Variants in NIN observed in about 807,000 individuals in gnomAD.
NIN encodes the protein glycogen synthase kinase 3 beta-interacting protein.
NIN carries 137 observed loss-of-function variants against 257.6 expected under a neutral mutation model. That is an observed-to-expected ratio of 0.53 (90% CI 0.46 to 0.61). The LOEUF (loss-of-function observed/expected upper bound fraction) is 0.61. Among genes scored for constraint, NIN ranks in the 20% least tolerant of loss-of-function variants. The pLI is 0.00. For missense variants in NIN, 2,439 were observed against 2,501.2 expected, an observed-to-expected ratio of 0.98 and a Z score of 0.53; for synonymous variants, 918 against 919.8, an observed-to-expected ratio of 1.00 and a Z score of 0.04.
At chr14:50,746,076 ATCC>A (rs2041523877) in intron 22 of NIN, among the ~76,000 whole-genome samples, 2 of 150,958 alleles carry the variant, frequency 1.3e-5, no homozygotes, top group South Asian at 4.2e-4. Context: ...GCTGAATGAC[ATCC>A]CCATCATGTT....
chr14:50,767,775 C>T (rs181534037), intron 12 of NIN, among the ~76,000 whole-genome samples: 3 of 150,460 alleles, frequency 2.0e-5, no homozygotes, highest in South Asian at 2.1e-4. Context: ...CGAGATGGCG[C>T]CACTGCACTC....
chr14:50,762,364 G>A (rs1211942046), intron 15 of NIN, among the ~76,000 whole-genome samples: 1 of 152,138 alleles, frequency 6.6e-6, no homozygotes, highest in Non-Finnish European at 1.5e-5. Flanking sequence ...GATGCCCTGA[G>A]GAGTTAGCTT....
chr14:50,783,222 TA>T (rs2043206615), intron 5 of NIN, among the ~76,000 whole-genome samples: 1 of 9,774 alleles, frequency 1.0e-4, no homozygotes, highest in Non-Finnish European at 2.4e-4. Flanking sequence ...CTCATTTTTG[TA>T]TTTTTTTTTT....
Position 50,723,226 on chromosome 14 carries a change from G to A in NIN, c.*237C>T, listed in dbSNP as rs902499324. 7.8e-6 allele frequency: 3 copies of A among 384,552 alleles called. No homozygotes were observed. The highest frequency in any genetic ancestry group is 1.4e-5 in the Non-Finnish European group (3 of 217,152). The allele number at this position is 384,552 out of a possible 1,614,324, so 23.8% of individuals were successfully genotyped here. A position where few individuals can be genotyped will look rare whatever the true frequency, so the allele number is the denominator to read the frequency against. ...ATTTTCATATGTCCACATTCTTGGT[G>A]GCTATTAAAATTTTAAAATAAATTC... On this transcript the variant is annotated 3_prime_UTR_variant, in exon 31 of 31. Transcript: ENST00000530997.
intron 22 of NIN, among the ~76,000 whole-genome samples, chr14:50,744,630 A>G (rs1011448033): frequency 1.3e-5 from 2 of 152,162 alleles, no homozygotes; most frequent in Non-Finnish European, 2.9e-5. Context: ...CTCTCCTTTT[A>G]AAAAACCAGT....
At chr14:50,735,435 A>G (rs1276938897) in intron 28 of NIN, 81 bp downstream of exon 28, 4 of 1,508,286 alleles carry the variant, frequency 2.7e-6, no homozygotes, top group Non-Finnish European at 3.5e-6. Context: ...ATTCAATGCC[A>G]TGTCTAGTCT....
intron 4 of NIN, among the ~76,000 whole-genome samples, chr14:50,804,897 C>G (rs373060222): frequency 4.5e-4 from 68 of 152,332 alleles, no homozygotes; most frequent in African/African-American, 1.5e-3. Flanking sequence ...AGGCCACATG[C>G]AGCCCATGGG....
At position 50,744,351 on chromosome 14, in the gene NIN, G is replaced by A. The variant is rs546671094; in HGVS notation, c.5079C>T (p.Pro1693=). 13 of 1,613,868 alleles carry A rather than the reference G, an allele frequency of 8.1e-6. No homozygotes were observed. The highest frequency in any genetic ancestry group is 2.2e-5 in the East Asian group (1 of 44,874). ...LEKMKQLHRC[P]DLSDFQQKIS... is the part of the protein sequence containing the mutation. Reference sequence around the variant, plus strand: ...TTTTTTGCTGGAAGTCAGAGAGATCGGGACATCTGTGCAGCTGTAAGAGAT... The same window carrying A: ...TTTTTTGCTGGAAGTCAGAGAGATCAGGACATCTGTGCAGCTGTAAGAGAT... Residue 1693 remains proline (P), a synonymous_variant, in exon 23 of 31, where the codon CCC becomes CCT. Coordinates refer to ENST00000530997, the MANE Select transcript of NIN (RefSeq NM_020921.4).
At chr14:50,792,438 A>T (rs2043637747) in intron 5 of NIN, 1 of 393,206 alleles carries the variant, frequency 2.5e-6, no homozygotes, top group Non-Finnish European at 4.6e-6. Context: ...GAAGTGGGAG[A>T]CCTCAGATGA....
intron 8 of NIN, 128 bp from the exon 9 acceptor site, chr14:50,772,596 T>G: frequency 1.3e-6 from 1 of 794,732 alleles, no homozygotes; most frequent in Non-Finnish European, 2.0e-6. Flanking sequence ...AAAAAAGTCA[T>G]GCAGCCTCTC....
At chr14:50,797,732 C>A (rs934645056) in intron 4 of NIN, among the ~76,000 whole-genome samples, 3 of 152,008 alleles carry the variant, frequency 2.0e-5, no homozygotes, top group Non-Finnish European at 4.4e-5. Context: ...AAGAAAAATA[C>A]AGACAGAGAC....
chr14:50,811,297 C>T (rs992006268), intron 3 of NIN, among the ~76,000 whole-genome samples: 32 of 151,588 alleles, frequency 2.1e-4, no homozygotes, highest in Admixed American at 1.6e-3. Flanking sequence ...TTAGTAGAGA[C>T]GGGGTTTCAC....
chr14:50,757,380 G>A lies in NIN; in HGVS notation c.3650C>T (p.Ala1217Val). The A allele has an allele frequency of 6.2e-7, 1 of 1,613,934 alleles. No homozygotes were observed. Among genetic ancestry groups the A allele is most frequent in the Non-Finnish European group, 8.5e-7 (1 of 1,179,984 alleles). Residue 1217 changes from alanine to valine, a missense_variant, in exon 18 of 31, where the codon GCT becomes GTT. This residue lies in a region of NIN where 2,043 missense variants were observed against 2,050.2 expected (regional missense o/e 1.00). Coordinates refer to ENST00000530997, the MANE Select transcript of NIN (RefSeq NM_020921.4). Reference sequence around the variant, plus strand: ...AAGTAGGTCCTGTTTCTTTTCAGAAGCTCGATCACAGTCCGCACATAACAT... The same window carrying A: ...AAGTAGGTCCTGTTTCTTTTCAGAAACTCGATCACAGTCCGCACATAACAT... Reference protein sequence around the residue: ...LMMLCADCDRASEKKQDLLFD... With the variant: ...LMMLCADCDRVSEKKQDLLFD...
At chr14:50,727,659 T>C in intron 29 of NIN, 1 of 1,442,860 alleles carries the variant, frequency 6.9e-7, no homozygotes, top group Admixed American at 1.8e-5. Flanking sequence ...TCTGCCATGG[T>C]AAGAAATGCC....
chr14:50,766,654 T>G (rs1461853207), intron 13 of NIN, 126 bp downstream of exon 13: 5 of 689,984 alleles, frequency 7.2e-6, no homozygotes, highest in South Asian at 5.4e-5. Flanking sequence ...CTACAAAAGT[T>G]AGAGCACCAT....
Position 50,763,866 on chromosome 14 carries a change from T to C in NIN, c.1734A>G (p.Glu578=), listed in dbSNP as rs748064021. Residue 578 remains glutamate, a synonymous_variant, in exon 15 of 31, where the codon GAA becomes GAG. Coordinates refer to ENST00000530997, the MANE Select transcript of NIN (RefSeq NM_020921.4). ...TGCCACCGCTGTTAGCCTCAACTTC[T>C]TCTGACGGTGAGTTCTTCAACGGAA... The part of the protein sequence containing the change: ...LRLPLKNSPS[E]EVEANSGGIE... The C allele has an allele frequency of 3.7e-6, 6 of 1,613,968 alleles. No individual in the cohort carries two copies. Among genetic ancestry groups the C allele is most frequent in the Non-Finnish European group, 4.2e-6 (5 of 1,179,822 alleles).
chr14:50,722,569 C>T lies in NIN; in HGVS notation c.*894G>A. ...AGTTTACAGTATTGTTCCCTGAGTT[C>T]TTGAGGCAACCTCAAGTAAATTTAT... On this transcript the variant is annotated 3_prime_UTR_variant, in exon 31 of 31. Transcript: ENST00000530997. The T allele has an allele frequency of 4.7e-6, 1 of 211,126 alleles. No individual in the cohort carries two copies. Among genetic ancestry groups the T allele is most frequent in the African/African-American group, 2.3e-5 (1 of 44,228 alleles). 13.1% of individuals were successfully genotyped at this position (211,126 alleles called of 1,614,324 possible).
intron 3 of NIN, among the ~76,000 whole-genome samples, chr14:50,815,649 A>G (rs541059957): frequency 1.3e-5 from 2 of 152,248 alleles, no homozygotes; most frequent in South Asian, 4.1e-4. Context: ...CCAAATGCCC[A>G]TCAATGATAG....
At chr14:50,777,216 C>G (rs1176138383) in intron 6 of NIN, 77 bp from the exon 7 acceptor site, 1 of 1,202,912 alleles carries the variant, frequency 8.3e-7, no homozygotes, top group Non-Finnish European at 1.2e-6. Flanking sequence ...GAAAACTGTG[C>G]TTTTTGAAAA....
Sources: allele counts gnomAD v4.1 joint callset (sites outside exome capture counted in the v4.1 genomes callset), GRCh38; gene constraint gnomAD v4.1.1; regional missense constraint gnomAD v4.1.1; transcripts MANE v1.5; gene names NCBI Gene and HGNC (gene_info 2026-07-23, HGNC 2026-07-21).